ACACA: variants seen among roughly 807,000 people sequenced by gnomAD.
ACACA encodes the protein acetyl-CoA carboxylase 1.
Under a neutral mutation model 296.1 loss-of-function variants are expected in ACACA, and 103 were observed. The ratio of observed to expected loss-of-function variants is 0.35; its 90% CI spans 0.30 to 0.41. ACACA has a LOEUF of 0.41. Among genes scored for constraint, ACACA ranks in the 10% least tolerant of loss-of-function variants. ACACA has a pLI of 1.00. For missense variants in ACACA, 1,554 were observed against 2,989.7 expected (o/e 0.52, Z 11.20); for synonymous variants, 953 against 1,038.6 (o/e 0.92, Z 1.58).
At chr17:37,394,273 C>CAA (rs2050999281) in intron 1 of ACACA, among the ~76,000 whole-genome samples, 1 of 151,236 alleles carries the variant, frequency 6.6e-6, no homozygotes, top group African/African-American at 2.4e-5. Context: ...TGCAATGGTT[C>CAA]AATCTCAGCT....
intron 3 of ACACA, among the ~76,000 whole-genome samples, chr17:37,315,479 A>G (rs2047046698): frequency 6.6e-6 from 1 of 152,198 alleles, no homozygotes; most frequent in Non-Finnish European, 1.5e-5. Flanking sequence ...CACAGATCCT[A>G]CAGGTTAATG....
intron 1 of ACACA, among the ~76,000 whole-genome samples, chr17:37,342,285 G>A (rs1373385761): frequency 6.6e-6 from 1 of 150,878 alleles, no homozygotes; most frequent in African/African-American, 2.4e-5. Flanking sequence ...GCAGACACCT[G>A]TAATCCCAGC....
At chr17:37,210,822 C>CTA (rs1302092296) in intron 29 of ACACA, among the ~76,000 whole-genome samples, 3 of 147,836 alleles carry the variant, frequency 2.0e-5, no homozygotes, top group Non-Finnish European at 4.4e-5. Context: ...TTAATTTAAG[C>CTA]TATATGATAT....
intron 3 of ACACA, among the ~76,000 whole-genome samples, chr17:37,312,947 C>T (rs1007016112): frequency 6.6e-6 from 1 of 152,076 alleles, no homozygotes; most frequent in African/African-American, 2.4e-5. Context: ...GGTCATGATA[C>T]ATTTGGCAGA....
At chr17:37,301,036 T>TA (rs1373435692) in intron 3 of ACACA, among the ~76,000 whole-genome samples, 6 of 152,214 alleles carry the variant, frequency 3.9e-5, no homozygotes, top group African/African-American at 1.4e-4. Context: ...AAACTTGTTA[T>TA]ACAAGTTCAC....
At chr17:37,305,932 G>A (rs1466223294) in intron 3 of ACACA, among the ~76,000 whole-genome samples, 6 of 141,698 alleles carry the variant, frequency 4.2e-5, no homozygotes, top group Non-Finnish European at 9.2e-5. Context: ...TTTTTGAGAC[G>A]GAGTCTTGTT....
At chr17:37,177,143 G>C (rs2077146448) in intron 41 of ACACA, among the ~76,000 whole-genome samples, 1 of 151,950 alleles carries the variant, frequency 6.6e-6, no homozygotes, top group African/African-American at 2.4e-5. Context: ...AAAACATGTG[G>C]CTCCTATACT....
intron 52 of ACACA, among the ~76,000 whole-genome samples, chr17:37,106,576 A>G (rs2073699338): frequency 6.6e-6 from 1 of 152,206 alleles, no homozygotes; most frequent in Non-Finnish European, 1.5e-5. Flanking sequence ...ATAAAAAAAA[A>G]TACTGCTCCC....
intron 1 of ACACA, among the ~76,000 whole-genome samples, chr17:37,358,478 TCTC>T (rs555506342): frequency 1.0e-3 from 152 of 152,346 alleles, no homozygotes; most frequent in African/African-American, 3.5e-3. Flanking sequence ...TGGCCCTGGC[TCTC>T]GCCACGATAC....
At chr17:37,333,904 C>T (rs887568278) in intron 2 of ACACA, among the ~76,000 whole-genome samples, 4 of 151,386 alleles carry the variant, frequency 2.6e-5, no homozygotes, top group African/African-American at 9.7e-5. Flanking sequence ...AGGCCTTCCC[C>T]TGTAGGACAG....
chr17:37,115,472 T>C (rs2074199461), intron 50 of ACACA, among the ~76,000 whole-genome samples: 1 of 151,454 alleles, frequency 6.6e-6, no homozygotes, highest in Non-Finnish European at 1.5e-5. Flanking sequence ...AATAAAGCAA[T>C]AAAAGACAGC....
chr17:37,388,597 C>T lies in ACACA; in HGVS notation c.38+17665G>A, dbSNP rs1040054663. ...ATAGTCTTGTGAGCCAGAAGAACTT[C>T]AGGTCAAAGGATCAATCTCTTTCCT... On this transcript the variant is annotated intron_variant, in intron 1 of 55. Coordinates refer to ENST00000616317, the MANE Select transcript of ACACA (RefSeq NM_198834.3). 1.4e-5 allele frequency: 21 copies of T among 1,507,218 alleles called. No homozygotes were observed. In the South Asian group the frequency reaches 2.5e-4, roughly 18 times the overall value. 93.4% of individuals were successfully genotyped at this position (1,507,218 alleles called of 1,614,324 possible). A position where few individuals can be genotyped will look rare whatever the true frequency, so the allele number is the denominator to read the frequency against.
chr17:37,329,277 G>A (rs1008935013), intron 3 of ACACA, among the ~76,000 whole-genome samples: 1 of 152,172 alleles, frequency 6.6e-6, no homozygotes, highest in Admixed American at 6.6e-5. Context: ...AACAATGTTA[G>A]TCAAAGTAGT....
intron 50 of ACACA, among the ~76,000 whole-genome samples, chr17:37,120,735 C>T (rs921406079): frequency 6.7e-6 from 1 of 150,190 alleles, no homozygotes; most frequent in African/African-American, 2.5e-5. Context: ...CTTTGGCTCT[C>T]CCTGTAGTGT....
intron 4 of ACACA, among the ~76,000 whole-genome samples, chr17:37,284,211 T>C (rs1726491773): frequency 6.6e-6 from 1 of 152,220 alleles, no homozygotes; most frequent in Admixed American, 6.5e-5. Flanking sequence ...ACCTGGAATC[T>C]CTAAGTATAT....
intron 54 of ACACA, among the ~76,000 whole-genome samples, chr17:37,094,583 C>A (rs867891219): frequency 0.011 from 1,619 of 142,158 alleles, 38 homozygotes; most frequent in African/African-American, 0.037. Flanking sequence ...CCCCCCCCCC[C>A]CCACACCAAA....
intron 43 of ACACA, among the ~76,000 whole-genome samples, chr17:37,152,010 T>G (rs553063774): frequency 1.3e-5 from 2 of 151,130 alleles, no homozygotes; most frequent in Middle Eastern, 6.8e-3. Context: ...TTGGCCAGGA[T>G]GGTCTCGATC....
At chr17:37,268,044 T>C (rs1421606149) in intron 10 of ACACA, among the ~76,000 whole-genome samples, 1 of 152,218 alleles carries the variant, frequency 6.6e-6, no homozygotes, top group Non-Finnish European at 1.5e-5. Flanking sequence ...CTTTTGTTTC[T>C]TCTTTATGAT....
At chr17:37,384,255 A>G (rs1025148062) in intron 1 of ACACA, among the ~76,000 whole-genome samples, 1 of 152,238 alleles carries the variant, frequency 6.6e-6, no homozygotes, top group African/African-American at 2.4e-5. Flanking sequence ...AATGTTCTGC[A>G]ATACAAATGC....
Sources: allele counts gnomAD v4.1 joint callset (sites outside exome capture counted in the v4.1 genomes callset), GRCh38; gene constraint gnomAD v4.1.1; transcripts MANE v1.5; gene names NCBI Gene and HGNC (gene_info 2026-07-23, HGNC 2026-07-21).